FHIP1A: variants seen among roughly 807,000 people sequenced by gnomAD.
FHIP1A encodes FHF complex subunit HOOK interacting protein 1A, also known as FHF complex subunit HOOK-interacting protein 1A.
A neutral mutation model predicts 88.6 loss-of-function variants in FHIP1A; 61 were observed. The observed-to-expected ratio is 0.69, with a 90% confidence interval of 0.56 to 0.85. The LOEUF (loss-of-function observed/expected upper bound fraction) is 0.85, where lower values mean the gene tolerates loss of function less well. Ranked by LOEUF, FHIP1A falls within the 40% of genes least tolerant of loss-of-function variation. FHIP1A has a pLI of 0.00. For missense variants in FHIP1A, 1,154 were observed against 1,273.5 expected, an observed-to-expected ratio of 0.91 and a Z score of 1.43; for synonymous variants, 478 against 496.0, an observed-to-expected ratio of 0.96 and a Z score of 0.48.
chr4:151,453,781 C>T (rs6838299), intron 1 of FHIP1A, among the ~76,000 whole-genome samples: 1,683 of 151,842 alleles, frequency 0.011, 32 homozygotes, highest in African/African-American at 0.037. Context: ...GCGGAGGTGG[C>T]GGTTTTTGAA....
chr4:151,501,894 A>G (rs1251039348), intron 3 of FHIP1A, among the ~76,000 whole-genome samples: 8 of 151,808 alleles, frequency 5.3e-5, no homozygotes, highest in African/African-American at 1.9e-4. Context: ...AAGAAACACA[A>G]AAGTATGGCC....
At chr4:151,566,412 G>A (rs1257854404) in intron 4 of FHIP1A, 48 bp downstream of exon 4, 1 of 1,086,876 alleles carries the variant, frequency 9.2e-7, no homozygotes, top group African/African-American at 1.6e-5. Flanking sequence ...AACCCCAGGG[G>A]CCTCCATCAC....
At chr4:151,622,460 C>T (rs190558729) in intron 7 of FHIP1A, among the ~76,000 whole-genome samples, 2 of 152,224 alleles carry the variant, frequency 1.3e-5, no homozygotes, top group Non-Finnish European at 2.9e-5. Context: ...CAGCCCAGCA[C>T]CAGACCTCTT....
chr4:151,427,174 A>G (rs552043067), intron 1 of FHIP1A, among the ~76,000 whole-genome samples: 1 of 152,290 alleles, frequency 6.6e-6, no homozygotes, highest in African/African-American at 2.4e-5. Context: ...CTCTGTTTAA[A>G]TAATGCTTAG....
At chr4:151,456,482 G>A (rs1449136527) in intron 2 of FHIP1A, among the ~76,000 whole-genome samples, 1 of 152,138 alleles carries the variant, frequency 6.6e-6, no homozygotes, top group African/African-American at 2.4e-5. Flanking sequence ...GGAAAATCAG[G>A]TAGAGAGCTA....
chr4:151,559,341 TA>T (rs1435275521), intron 3 of FHIP1A, among the ~76,000 whole-genome samples: 2 of 152,194 alleles, frequency 1.3e-5, no homozygotes, highest in Admixed American at 1.3e-4. Context: ...AAGTAGTACA[TA>T]AATATGGTAC....
At position 151,629,803 on chromosome 4, in the gene FHIP1A, A is replaced by G. The variant is rs535042471; in HGVS notation, c.1080A>G (p.Leu360=). The stretch of plus-strand genomic sequence containing the variant: ...TTGAGATCTTCCTCCGTTTTATCCT[A>G]TTGCACCAGCACGAGAATGTCCACA... ...ALLEIFLRFI[L]LHQHENVHIL... Residue 360 remains leucine (L), a synonymous_variant, in exon 8 of 14, where the codon CTA becomes CTG. Transcript: ENST00000435205. The G allele has an allele frequency of 6.1e-5, 94 of 1,551,262 alleles. No individual in the cohort carries two copies. Among genetic ancestry groups the G allele is most frequent in the Middle Eastern group, 1.7e-4 (1 of 6,012 alleles).
chr4:151,430,585 T>C (rs1169232588), intron 1 of FHIP1A, among the ~76,000 whole-genome samples: 1 of 152,260 alleles, frequency 6.6e-6, no homozygotes, highest in African/African-American at 2.4e-5. Context: ...TAAATTGGCA[T>C]TGATTTTAAG....
At chr4:151,446,110 A>G (rs1728591119) in intron 1 of FHIP1A, among the ~76,000 whole-genome samples, 1 of 151,906 alleles carries the variant, frequency 6.6e-6, no homozygotes, top group Non-Finnish European at 1.5e-5. Context: ...ACCAGGATAC[A>G]GTATATCAGT....
At chr4:151,541,597 G>T (rs1275987268) in intron 3 of FHIP1A, among the ~76,000 whole-genome samples, 1 of 152,178 alleles carries the variant, frequency 6.6e-6, no homozygotes, top group East Asian at 1.9e-4. Context: ...TGTCCTGGAA[G>T]GAGTAATCTG....
intron 13 of FHIP1A, among the ~76,000 whole-genome samples, chr4:151,657,476 T>G: frequency 1.4e-5 from 2 of 146,670 alleles, no homozygotes; most frequent in African/African-American, 2.5e-5. Flanking sequence ...CCTGGCAGAG[T>G]GAGGAGTGGG....
At chr4:151,577,366 G>A (rs1733832578) in intron 4 of FHIP1A, 84 bp from the exon 5 acceptor site, 1 of 1,357,720 alleles carries the variant, frequency 7.4e-7, no homozygotes, top group Non-Finnish European at 9.9e-7. Flanking sequence ...CATTTTTGGT[G>A]ACAATTTGGT....
At chr4:151,565,485 T>C (rs760885196) in intron 3 of FHIP1A, among the ~76,000 whole-genome samples, 9 of 152,142 alleles carry the variant, frequency 5.9e-5, no homozygotes, top group Non-Finnish European at 1.2e-4. Flanking sequence ...TACTTGGAAT[T>C]CCATTATTTT....
intron 7 of FHIP1A, among the ~76,000 whole-genome samples, chr4:151,604,304 T>G (rs550810572): frequency 2.6e-5 from 4 of 152,206 alleles, no homozygotes; most frequent in Admixed American, 1.3e-4. Flanking sequence ...TAGGTGATTT[T>G]GCATTTGACC....
intron 3 of FHIP1A, among the ~76,000 whole-genome samples, chr4:151,514,626 C>G (rs998442520): frequency 6.6e-6 from 1 of 152,144 alleles, no homozygotes; most frequent in African/African-American, 2.4e-5. Context: ...GGGCATATCA[C>G]CACCGATCCC....
intron 3 of FHIP1A, among the ~76,000 whole-genome samples, chr4:151,550,376 GA>G (rs1732680493): frequency 1.3e-5 from 2 of 151,838 alleles, no homozygotes; most frequent in Admixed American, 1.3e-4. Flanking sequence ...ACCTCCCCCC[GA>G]ACCCCTATGT....
chr4:151,514,622 A>G (rs906888963), intron 3 of FHIP1A, among the ~76,000 whole-genome samples: 1 of 152,242 alleles, frequency 6.6e-6, no homozygotes, highest in African/African-American at 2.4e-5. Context: ...TAAAGGGCAT[A>G]TCACCACCGA....
chr4:151,413,166 G>T (rs1423191105), intron 1 of FHIP1A, among the ~76,000 whole-genome samples: 1 of 152,140 alleles, frequency 6.6e-6, no homozygotes, highest in African/African-American at 2.4e-5. Context: ...CATTAAATTT[G>T]GGAGGGAGAT....
chr4:151,564,828 C>G (rs1287209923), intron 3 of FHIP1A, among the ~76,000 whole-genome samples: 1 of 152,116 alleles, frequency 6.6e-6, no homozygotes, highest in Non-Finnish European at 1.5e-5. Context: ...GTGTTCTGTT[C>G]TTATGTCCCA....
Sources: allele counts gnomAD v4.1 joint callset (sites outside exome capture counted in the v4.1 genomes callset), GRCh38; gene constraint gnomAD v4.1.1; transcripts MANE v1.5; gene names NCBI Gene and HGNC (gene_info 2026-07-23, HGNC 2026-07-21).